MARCHF1: variants seen among roughly 807,000 people sequenced by gnomAD.
MARCHF1 encodes the protein E3 ubiquitin-protein ligase MARCHF1.
In MARCHF1, 40 loss-of-function variants were observed where a neutral mutation model predicts 54.2. The ratio of observed to expected loss-of-function variants is 0.74; its 90% CI spans 0.57 to 0.96. MARCHF1 has a LOEUF of 0.96. Ranked by LOEUF, MARCHF1 falls within the 40% of genes least tolerant of loss-of-function variation. MARCHF1 has a pLI of 0.00. For missense variants in MARCHF1, 586 were observed against 656.5 expected (o/e 0.89, Z 1.17); for synonymous variants, 236 against 236.3 (o/e 1.00, Z 0.01).
intron 2 of MARCHF1, among the ~76,000 whole-genome samples, chr4:163,992,836 A>C (rs1183198352): frequency 6.6e-6 from 1 of 150,598 alleles, no homozygotes; most frequent in Non-Finnish European, 1.5e-5. Flanking sequence ...CAAGACAGAG[A>C]AGTAATAAAG....
At chr4:163,629,049 T>C (rs1741975308) in intron 5 of MARCHF1, among the ~76,000 whole-genome samples, 1 of 152,150 alleles carries the variant, frequency 6.6e-6, no homozygotes, top group African/African-American at 2.4e-5. Context: ...AGAAAAAAAC[T>C]ACTTTAAATT....
rs553157232 is a variant in MARCHF1 at position 163,679,616 on chromosome 4, C to CTT, written c.162+21195_162+21196dup. ...GAATATCTCATATTTATCTCCAATTCTTTTTTTTTTTTTTGAGATGGAGTC... is the reference window on the plus strand; with the variant it reads ...GAATATCTCATATTTATCTCCAATTCTTTTTTTTTTTTTTTTGAGATGGAGTC... On this transcript the variant is annotated intron_variant, in intron 5 of 9. Coordinates refer to ENST00000514618, the MANE Select transcript of MARCHF1 (RefSeq NM_001394959.1). 1.1e-3 allele frequency among the ~76,000 whole-genome samples: 153 copies of CTT among 144,166 alleles called. 1 individual carries two copies. The highest frequency in any genetic ancestry group is 3.6e-3 in the Middle Eastern group (1 of 280). 94.6% of individuals were successfully genotyped at this position (144,166 alleles called of 152,430 possible).
At chr4:163,864,038 G>T (rs1223706710) in intron 3 of MARCHF1, among the ~76,000 whole-genome samples, 2 of 151,924 alleles carry the variant, frequency 1.3e-5, no homozygotes, top group Non-Finnish European at 2.9e-5. Context: ...ATTGAATAAA[G>T]AAATAAATGG....
At chr4:163,619,409 T>C (rs1741608693) in intron 5 of MARCHF1, among the ~76,000 whole-genome samples, 1 of 152,122 alleles carries the variant, frequency 6.6e-6, no homozygotes, top group South Asian at 2.1e-4. Flanking sequence ...AAAAATAATT[T>C]GAAAGATCAA....
At chr4:163,813,913 T>C (rs1748462565) in intron 4 of MARCHF1, among the ~76,000 whole-genome samples, 1 of 152,074 alleles carries the variant, frequency 6.6e-6, no homozygotes, top group Non-Finnish European at 1.5e-5. Context: ...CCAAGCTCTA[T>C]GCCAAAGGGT....
At chr4:164,060,133 A>C (rs951997284) in intron 2 of MARCHF1, among the ~76,000 whole-genome samples, 1 of 152,086 alleles carries the variant, frequency 6.6e-6, no homozygotes, top group Non-Finnish European at 1.5e-5. Flanking sequence ...TGTTTTGTAC[A>C]AGCAAATGAC....
intron 5 of MARCHF1, among the ~76,000 whole-genome samples, chr4:163,646,939 T>C (rs1742782266): frequency 1.3e-5 from 2 of 152,080 alleles, no homozygotes. Flanking sequence ...TGTAAATACA[T>C]TAAATTATCT....
At chr4:164,381,738 A>G (rs1731376576) in intron 1 of MARCHF1, among the ~76,000 whole-genome samples, 1 of 152,214 alleles carries the variant, frequency 6.6e-6, no homozygotes, top group Non-Finnish European at 1.5e-5. Flanking sequence ...TCTATTTCAA[A>G]AAGAGTTTTT....
intron 1 of MARCHF1, among the ~76,000 whole-genome samples, chr4:164,293,693 T>A (rs1308253604): frequency 1.3e-5 from 2 of 152,320 alleles, no homozygotes; most frequent in Non-Finnish European, 2.9e-5. Flanking sequence ...GTATATACAC[T>A]TAAAATTGCT....
chr4:163,880,890 C>T (rs565121124), intron 3 of MARCHF1, among the ~76,000 whole-genome samples: 1 of 152,096 alleles, frequency 6.6e-6, no homozygotes, highest in Non-Finnish European at 1.5e-5. Context: ...CATGGGTTTC[C>T]ACCTGAACTC....
chr4:163,961,635 C>T (rs1485167802), intron 3 of MARCHF1, among the ~76,000 whole-genome samples: 1 of 151,932 alleles, frequency 6.6e-6, no homozygotes, highest in Non-Finnish European at 1.5e-5. Flanking sequence ...CAAAGGGACA[C>T]TCAACTGTCA....
chr4:163,633,380 C>G (rs1353310822), intron 5 of MARCHF1, among the ~76,000 whole-genome samples: 1 of 151,994 alleles, frequency 6.6e-6, no homozygotes, highest in Admixed American at 6.6e-5. Context: ...ACTAGAAAAA[C>G]CAATACAGAG....
intron 4 of MARCHF1, among the ~76,000 whole-genome samples, chr4:163,813,767 T>C (rs1373628328): frequency 6.6e-6 from 1 of 152,196 alleles, no homozygotes; most frequent in Non-Finnish European, 1.5e-5. Flanking sequence ...TAAAATTGTT[T>C]GCGGCCGATA....
chr4:164,090,952 T>A (rs1027080680), intron 2 of MARCHF1, among the ~76,000 whole-genome samples: 3 of 150,482 alleles, frequency 2.0e-5, no homozygotes, highest in African/African-American at 7.3e-5. Flanking sequence ...TTGAAGTGAG[T>A]TAAAGAAATC....
intron 8 of MARCHF1, among the ~76,000 whole-genome samples, chr4:163,580,457 G>A (rs1003310591): frequency 2.0e-5 from 3 of 152,296 alleles, no homozygotes; most frequent in South Asian, 4.1e-4. Flanking sequence ...TACATTAAAT[G>A]TTGAATAAGG....
Position 163,828,389 on chromosome 4 carries a change from C to T in MARCHF1, c.111+25632G>A, listed in dbSNP as rs568718005. ...CATTTTTGGATGAAACCTAATGCTT[C>T]AGTCATTATAGACTTTTGTTCTGTG... On this transcript the variant is annotated intron_variant, in intron 4 of 9. Transcript: ENST00000514618. Among the ~76,000 whole-genome samples, 9 of 152,214 alleles carry T rather than the reference C, an allele frequency of 5.9e-5. 1 individual carries two copies. Among genetic ancestry groups the T allele is most frequent in the African/African-American group, 1.9e-4 (8 of 41,534 alleles).
intron 3 of MARCHF1, among the ~76,000 whole-genome samples, chr4:163,957,698 C>A (rs990163089): frequency 6.6e-5 from 10 of 151,866 alleles, no homozygotes; most frequent in African/African-American, 2.4e-4. Flanking sequence ...GAATTTCTCA[C>A]GCCAAAAAAA....
chr4:164,287,791 G>C (rs1010077694), intron 1 of MARCHF1, among the ~76,000 whole-genome samples: 1 of 152,128 alleles, frequency 6.6e-6, no homozygotes, highest in African/African-American at 2.4e-5. Context: ...GAATCGAATA[G>C]TTATTCTTTA....
intron 8 of MARCHF1, among the ~76,000 whole-genome samples, chr4:163,567,628 A>G (rs927711962): frequency 2.0e-5 from 3 of 152,044 alleles, no homozygotes; most frequent in Admixed American, 2.0e-4. Flanking sequence ...TATAAAGGGG[A>G]GTTTCCTTGC....
Sources: gnomAD v4.1 joint callset for allele counts (sites outside exome capture counted in the v4.1 genomes callset) on GRCh38, gnomAD v4.1.1 for gene constraint, MANE v1.5 for transcripts, NCBI Gene and HGNC (gene_info 2026-07-23, HGNC 2026-07-21) for gene names.